ITPR2: variants seen among roughly 807,000 people sequenced by gnomAD.
ITPR2 encodes the protein inositol 1,4,5-trisphosphate-gated calcium channel ITPR2.
In ITPR2, 207 loss-of-function variants were observed where a neutral mutation model predicts 317.1. That is an observed-to-expected ratio of 0.65 (90% confidence interval 0.58 to 0.73). ITPR2 has a LOEUF of 0.73. Ranked by LOEUF, ITPR2 falls within the 30% of genes least tolerant of loss-of-function variation. The probability of loss-of-function intolerance (pLI) is 0.00; values close to 1 mark genes in which losing one functional copy is unlikely to be tolerated. For synonymous variants in ITPR2, 1,156 were observed against 1,149.1 expected (o/e 1.01, Z -0.12); for missense variants, 2,613 against 3,284.0 (o/e 0.80, Z 4.99).
intron 32 of ITPR2, among the ~76,000 whole-genome samples, chr12:26,581,572 A>G (rs994163516): frequency 2.6e-5 from 4 of 152,208 alleles, no homozygotes; most frequent in Admixed American, 2.6e-4. Context: ...AAATGAATTA[A>G]TAATTTAGTA....
chr12:26,729,263 T>A (rs1304932761), intron 2 of ITPR2, among the ~76,000 whole-genome samples: 1 of 152,152 alleles, frequency 6.6e-6, no homozygotes. Context: ...CACAATGAGA[T>A]ACTATCTCAC....
intron 37 of ITPR2, among the ~76,000 whole-genome samples, chr12:26,509,994 GT>G (rs1943290769): frequency 7.8e-6 from 1 of 128,116 alleles, no homozygotes; most frequent in African/African-American, 2.9e-5. Flanking sequence ...GTGTGTGTGT[GT>G]GTGTGTGTGG....
chr12:26,374,538 A>G (rs1939283472), intron 55 of ITPR2, among the ~76,000 whole-genome samples: 1 of 152,264 alleles, frequency 6.6e-6, no homozygotes, highest in South Asian at 2.1e-4. Flanking sequence ...TGAATCCACA[A>G]AATAGTATTT....
intron 55 of ITPR2, among the ~76,000 whole-genome samples, chr12:26,354,394 A>T (rs980634801): frequency 6.6e-6 from 1 of 151,744 alleles, no homozygotes; most frequent in African/African-American, 2.4e-5. Flanking sequence ...CTCCTTTTGA[A>T]AAAAAAATAT....
chr12:26,768,424 TTAAA>T (rs1311415770), intron 2 of ITPR2, among the ~76,000 whole-genome samples: 50 of 29,724 alleles, frequency 1.7e-3, no homozygotes, highest in Non-Finnish European at 4.2e-3. Flanking sequence ...TAAAAAAAAA[TTAAA>T]AAAAAATAAA....
chr12:26,411,923 T>C (rs1258041301), intron 51 of ITPR2, among the ~76,000 whole-genome samples: 1 of 152,196 alleles, frequency 6.6e-6, no homozygotes, highest in Non-Finnish European at 1.5e-5. Context: ...GTGTTCAGGA[T>C]CTTCTATTCT....
chr12:26,517,392 T>C (rs563995405), intron 37 of ITPR2, among the ~76,000 whole-genome samples: 1 of 152,280 alleles, frequency 6.6e-6, no homozygotes, highest in Non-Finnish European at 1.5e-5. Context: ...CCAAAGGACA[T>C]GAACAGACAC....
intron 1 of ITPR2, among the ~76,000 whole-genome samples, chr12:26,815,924 T>C (rs1950844205): frequency 6.6e-6 from 1 of 151,698 alleles, no homozygotes; most frequent in Non-Finnish European, 1.5e-5. Flanking sequence ...AAACCCCACC[T>C]CCACTAAAAA....
chr12:26,572,239 T>G (rs749885779), intron 34 of ITPR2, among the ~76,000 whole-genome samples: 1 of 152,186 alleles, frequency 6.6e-6, no homozygotes, highest in African/African-American at 2.4e-5. Flanking sequence ...CAAAGTTTTA[T>G]GGGAGGCCAT....
In ITPR2 at chr12:26,599,976, A is replaced by G; in HGVS notation, c.3801+11T>C. 1.9e-6 allele frequency: 3 copies of G among 1,590,874 alleles called. No individual in the cohort carries two copies. The South Asian group carries it at 3.3e-5, about 18-fold the overall frequency. On this transcript the variant is annotated intron_variant, in intron 29 of 56. Transcript: ENST00000381340. ...TTTACTAGAAATACTAGAAGCCACT[A>G]AAATACTTACACCTGGAGTTAAAAA...
chr12:26,743,504 C>G (rs1178435817), intron 2 of ITPR2, among the ~76,000 whole-genome samples: 1 of 152,124 alleles, frequency 6.6e-6, no homozygotes, highest in South Asian at 2.1e-4. Context: ...TGATAAGGAT[C>G]AATGCATTAT....
At chr12:26,416,215 G>A (rs1940715997) in intron 50 of ITPR2, among the ~76,000 whole-genome samples, 1 of 152,106 alleles carries the variant, frequency 6.6e-6, no homozygotes, top group African/African-American at 2.4e-5. Context: ...GTCTTCAGTA[G>A]TAGAAAATCT....
chr12:26,403,693 CAGAG>C (rs1254256193), intron 52 of ITPR2, among the ~76,000 whole-genome samples: 4 of 152,224 alleles, frequency 2.6e-5, no homozygotes, highest in African/African-American at 9.6e-5. Context: ...ATAAACTGTA[CAGAG>C]ATAGAGGGGA....
chr12:26,723,317 C>T (rs1295559236), intron 4 of ITPR2, among the ~76,000 whole-genome samples: 4 of 151,948 alleles, frequency 2.6e-5, no homozygotes, highest in Non-Finnish European at 5.9e-5. Flanking sequence ...TTTTAAAATG[C>T]TCATTATCAT....
chr12:26,626,772 C>T (rs1946631452), intron 23 of ITPR2, among the ~76,000 whole-genome samples: 2 of 152,218 alleles, frequency 1.3e-5, no homozygotes, highest in African/African-American at 4.8e-5. Flanking sequence ...ATCACTGAAT[C>T]ATTCCTAACT....
chr12:26,803,492 A>G (rs1950595436), intron 1 of ITPR2, among the ~76,000 whole-genome samples: 1 of 152,242 alleles, frequency 6.6e-6, no homozygotes, highest in South Asian at 2.1e-4. Flanking sequence ...GCAAGTATGT[A>G]ATAATGATAT....
At chr12:26,797,866 A>G (rs1022661906) in intron 1 of ITPR2, among the ~76,000 whole-genome samples, 7 of 150,914 alleles carry the variant, frequency 4.6e-5, no homozygotes, top group Non-Finnish European at 8.9e-5. Flanking sequence ...TAATTTTTGT[A>G]TTTTTAGTAG....
chr12:26,463,947 A>C (rs1335875048), intron 45 of ITPR2, among the ~76,000 whole-genome samples: 1 of 152,132 alleles, frequency 6.6e-6, no homozygotes, highest in Non-Finnish European at 1.5e-5. Context: ...ATCTCTGTGC[A>C]TATTTTCCCT....
At chr12:26,530,224 A>G (rs1018954125) in intron 37 of ITPR2, among the ~76,000 whole-genome samples, 1 of 152,184 alleles carries the variant, frequency 6.6e-6, no homozygotes, top group African/African-American at 2.4e-5. Context: ...CAAGGGCCCC[A>G]ATGTCCCAGA....
Sources: gnomAD v4.1 joint callset for allele counts (sites outside exome capture counted in the v4.1 genomes callset) on GRCh38, gnomAD v4.1.1 for gene constraint, MANE v1.5 for transcripts, NCBI Gene and HGNC (gene_info 2026-07-23, HGNC 2026-07-21) for gene names.